Variants in KIF14 observed in about 807,000 individuals in gnomAD.
KIF14 encodes kinesin family member 14, also known as kinesin-like protein KIF14.
A neutral mutation model predicts 176.2 loss-of-function variants in KIF14; 98 were observed. That is an observed-to-expected ratio of 0.56 (90% CI 0.47 to 0.66). The LOEUF (loss-of-function observed/expected upper bound fraction) is 0.66. KIF14 is among the 30% of genes least tolerant of loss of function. The pLI, the probability that KIF14 is intolerant of heterozygous loss-of-function variation, is 0.00. For synonymous variants in KIF14, 566 were observed against 632.2 expected (o/e 0.90, Z 1.57); for missense variants, 1,751 against 1,920.4 (o/e 0.91, Z 1.65).
rs1464300797 is a variant in KIF14, at chr1:200,581,251, C to T, written c.3285G>A (p.Gln1095=). The T allele has an allele frequency of 6.2e-7, 1 of 1,604,434 alleles. No homozygotes were observed. Among genetic ancestry groups the T allele is most frequent in the Non-Finnish European group, 8.5e-7 (1 of 1,176,222 alleles). The change falls in exon 20 of 30, where the codon CAG becomes CAA. Residue 1095 remains glutamine (Q), a synonymous_variant. Coordinates refer to ENST00000367350, the MANE Select transcript of KIF14 (RefSeq NM_014875.3). The part of the protein sequence containing the change: ...WSSMKLSMMI[Q]EANAISSKLK... ...ATTTGCTGCTGATAGCATTGGCTTCCTGAATCATCATTGAGAGTTTCATAG... is the reference window on the plus strand; with the variant it reads ...ATTTGCTGCTGATAGCATTGGCTTCTTGAATCATCATTGAGAGTTTCATAG...
At chr1:200,595,693 AATC>A (rs1659295134) in intron 14 of KIF14, among the ~76,000 whole-genome samples, 1 of 152,194 alleles carries the variant, frequency 6.6e-6, no homozygotes, top group South Asian at 2.1e-4. Flanking sequence ...TCACGTCTGT[AATC>A]CCAGTACTTT....
Position 200,554,448 on chromosome 1 carries a change from C to T in KIF14, c.4567+20G>A. 1 of 1,436,890 alleles carries T rather than the reference C, an allele frequency of 7.0e-7. No homozygotes were observed. The highest frequency in any genetic ancestry group is 1.4e-5 in the African/African-American group (1 of 69,138). The allele number at this position is 1,436,890 out of a possible 1,614,324, so 89.0% of individuals were successfully genotyped here. ...TAAAATATAAAATTCTGATTATAAACTCCATTTGGAGAATCATACCTTTCA... is the reference window on the plus strand; with the variant it reads ...TAAAATATAAAATTCTGATTATAAATTCCATTTGGAGAATCATACCTTTCA... On this transcript the variant is annotated intron_variant, in intron 29 of 29. Coordinates refer to ENST00000367350, the MANE Select transcript of KIF14 (RefSeq NM_014875.3).
chr1:200,554,778 ACT>A (rs1159266028), intron 28 of KIF14, among the ~76,000 whole-genome samples, 172 bp from the exon 29 acceptor site: 8 of 152,206 alleles, frequency 5.3e-5, no homozygotes, highest in Non-Finnish European at 1.2e-4. Context: ...AATAGTAATT[ACT>A]GTTTTCAAAA....
In KIF14 at chr1:200,581,247, C is replaced by T. The variant is rs377660173; in HGVS notation, c.3289G>A (p.Ala1097Thr). 3.7e-6 allele frequency: 6 copies of T among 1,604,828 alleles called. No individual in the cohort carries two copies. Among genetic ancestry groups the T allele is most frequent in the Non-Finnish European group, 3.4e-6 (4 of 1,176,338 alleles). ...TTCAATTTGCTGCTGATAGCATTGGCTTCCTGAATCATCATTGAGAGTTTC... is the reference window on the plus strand; with the variant it reads ...TTCAATTTGCTGCTGATAGCATTGGTTTCCTGAATCATCATTGAGAGTTTC... ...SMKLSMMIQE[A>T]NAISSKLKTY... The change falls in exon 20 of 30, where the codon GCC becomes ACC. Residue 1097 changes from alanine to threonine, a missense_variant. Transcript: ENST00000367350.
intron 26 of KIF14, 133 bp downstream of exon 26, chr1:200,560,589 T>C (rs2102572202): frequency 3.0e-6 from 3 of 1,003,922 alleles, no homozygotes; most frequent in Middle Eastern, 2.2e-4. Flanking sequence ...TTTTAAATCT[T>C]ATTGCAAAAC....
In KIF14 at chr1:200,592,080, T is replaced by G; in HGVS notation, c.2813A>C (p.Gln938Pro). Residue 938 changes from glutamine (Q) to proline (P), a missense_variant and splice_region_variant, in exon 16 of 30, where the codon CAA (glutamine) becomes CCA (proline). By Grantham distance (76) the Gln-to-Pro change is moderately conservative. Coordinates refer to ENST00000367350, the MANE Select transcript of KIF14 (RefSeq NM_014875.3). ...KNELLMAQRSQLEAEIKEAQL... is the reference protein window; with the variant it reads ...KNELLMAQRSPLEAEIKEAQL... ...TATTTCATATCAACAGCATACTTAC[T>G]GTGATCTCTGTGCCATGAGCAACTC... 6.2e-7 allele frequency: 1 copy of G among 1,611,282 alleles called. No individual in the cohort carries two copies. Among genetic ancestry groups the G allele is most frequent in the Non-Finnish European group, 8.5e-7 (1 of 1,178,776 alleles).
At position 200,603,262 on chromosome 1, in the gene KIF14, C is replaced by G; in HGVS notation, c.1943G>C (p.Ser648Thr). 2.5e-6 allele frequency: 4 copies of G among 1,607,840 alleles called. No individual in the cohort carries two copies. Among genetic ancestry groups the G allele is most frequent in the Non-Finnish European group, 2.6e-6 (3 of 1,175,528 alleles). ...AGATTCACGATAAGGAATAAAAACA[C>G]TCCTTTGGTTTGCTTGTTCCGAAAG... ...SALSEQANQRSVFIPYRESVL... is the reference protein window; with the variant it reads ...SALSEQANQRTVFIPYRESVL... The change falls in exon 10 of 30, where the codon AGT becomes ACT. Residue 648 changes from serine (S) to threonine (T), a missense_variant. Transcript: ENST00000367350.
chr1:200,580,076 T>C (rs577043540), intron 21 of KIF14, among the ~76,000 whole-genome samples, 178 bp downstream of exon 21: 1 of 152,158 alleles, frequency 6.6e-6, no homozygotes, highest in Admixed American at 6.5e-5. Flanking sequence ...AATAAATATA[T>C]ATAATTGTTA....
At chr1:200,577,487 G>A (rs891843062) in intron 21 of KIF14, among the ~76,000 whole-genome samples, 3 of 151,982 alleles carry the variant, frequency 2.0e-5, no homozygotes, top group Middle Eastern at 3.4e-3. Flanking sequence ...GATTTTTATA[G>A]CTGTGTTGAT....
At position 200,551,526 on chromosome 1, in the gene KIF14, G is replaced by A. The variant is rs984038130; in HGVS notation, c.*1862C>T. 2.0e-5 allele frequency: 3 copies of A among 152,126 alleles called. No homozygotes were observed. The East Asian group carries it at 5.8e-4, about 29-fold the overall frequency. The allele number at this position is 152,126 out of a possible 1,614,324, so 9.4% of individuals were successfully genotyped here. On this transcript the variant is annotated 3_prime_UTR_variant, in exon 30 of 30. Transcript: ENST00000367350. The stretch of plus-strand genomic sequence containing the variant: ...TCTAATGCTGAAAAGATTTATTAAA[G>A]GCATTCTCTTTATAACATTTCTTGT...
chr1:200,575,528 C>T lies in KIF14; in HGVS notation c.3566+63G>A, dbSNP rs574293504. 6.4e-4 allele frequency: 452 copies of T among 710,110 alleles called. 3 individuals are homozygous for T. The African/African-American group carries it at 7.1e-3, about 11-fold the overall frequency. The allele number at this position is 710,110 out of a possible 1,614,324, so 44.0% of individuals were successfully genotyped here. On this transcript the variant is annotated intron_variant, in intron 22 of 29. Transcript: ENST00000367350. ...ATATATATGATATACAATTTACACA[C>T]ACACACACACACACACATGCACACA...
chr1:200,558,806 C>A (rs939395140), intron 27 of KIF14, among the ~76,000 whole-genome samples: 1 of 152,134 alleles, frequency 6.6e-6, no homozygotes, highest in South Asian at 2.1e-4. Context: ...AATATTAAAA[C>A]CCAGATCTTT....
intron 3 of KIF14, 100 bp downstream of exon 3, chr1:200,615,255 G>T: frequency 8.0e-7 from 1 of 1,251,640 alleles, no homozygotes; most frequent in Non-Finnish European, 1.1e-6. Flanking sequence ...GCCAAGATCT[G>T]TGTGATTTCA....
chr1:200,565,849 T>C (rs562236563), intron 23 of KIF14, among the ~76,000 whole-genome samples, 180 bp from the exon 24 acceptor site: 41 of 152,344 alleles, frequency 2.7e-4, no homozygotes, highest in African/African-American at 9.6e-4. Flanking sequence ...TAACATCGTA[T>C]GCTATGTTGT....
At chr1:200,553,884 C>A in intron 29 of KIF14, 117 bp from the exon 30 acceptor site, 2 of 1,002,202 alleles carry the variant, frequency 2.0e-6, no homozygotes, top group Admixed American at 2.5e-5. Context: ...AAAACAATTC[C>A]AAACTACTTA....
chr1:200,573,029 C>G (rs1657894206), intron 22 of KIF14, among the ~76,000 whole-genome samples: 1 of 152,160 alleles, frequency 6.6e-6, no homozygotes, highest in African/African-American at 2.4e-5. Flanking sequence ...TATTAAGCAT[C>G]CAGTAATAAT....
At chr1:200,555,955 A>C (rs956653881) in intron 27 of KIF14, among the ~76,000 whole-genome samples, 1 of 152,256 alleles carries the variant, frequency 6.6e-6, no homozygotes, top group Non-Finnish European at 1.5e-5. Context: ...ATTTATAGAT[A>C]CAAAATTTCT....
chr1:200,607,084 T>C (rs142701073), intron 5 of KIF14, among the ~76,000 whole-genome samples: 2 of 121,298 alleles, frequency 1.6e-5, no homozygotes, highest in African/African-American at 6.8e-5. Flanking sequence ...AATTGTCTAA[T>C]AGACAATAAT....
chr1:200,565,319 A>G, intron 24 of KIF14, 66 bp from the exon 25 acceptor site: 1 of 1,479,896 alleles, frequency 6.8e-7, no homozygotes, highest in Non-Finnish European at 9.2e-7. Context: ...ATATATGATC[A>G]TCATTAAAAC....
Sources: gnomAD v4.1 joint callset for allele counts (sites outside exome capture counted in the v4.1 genomes callset) on GRCh38, gnomAD v4.1.1 for gene constraint, MANE v1.5 for transcripts, NCBI Gene and HGNC (gene_info 2026-07-23, HGNC 2026-07-21) for gene names.